The following KIF19 variants were observed in gnomAD, a reference collection of about 807,000 sequenced individuals.
The protein encoded by KIF19 is kinesin-like protein KIF19.
Under a neutral mutation model 106.6 loss-of-function variants are expected in KIF19, and 98 were observed. The ratio of observed to expected loss-of-function variants is 0.92; its 90% confidence interval spans 0.78 to 1.09. The LOEUF is 1.09. KIF19 is among the 50% of genes least tolerant of loss of function. The probability of loss-of-function intolerance (pLI) is 0.00; values close to 1 mark genes in which losing one functional copy is unlikely to be tolerated. For synonymous variants in KIF19, 516 were observed against 584.2 expected, an observed-to-expected ratio of 0.88 and a Z score of 1.68; for missense variants, 1,373 against 1,414.3, an observed-to-expected ratio of 0.97 and a Z score of 0.47.
chr17:74,350,450 GCTTCGGGAGCAGCTCGCCAGCGC>G lies in KIF19; in HGVS notation c.1268_1290del (p.Arg423ProfsTer23). 6.2e-7 allele frequency: 1 copy of G among 1,609,418 alleles called. No homozygotes were observed. On this transcript the variant is annotated frameshift_variant, in exon 11 of 20. Coordinates refer to ENST00000389916, the MANE Select transcript of KIF19 (RefSeq NM_153209.4). LOFTEE classifies it high-confidence loss of function. The stretch of plus-strand genomic sequence containing the variant: ...AGGGTGAGAAGGCTGGCATGGGACA[GCTTCGGGAGCAGCTCGCCAGCGC>G]CTTCCAGGAGCAGATGGATGTGCGG...
At chr17:74,348,019 T>G in intron 9 of KIF19, 120 bp downstream of exon 9, 8 of 1,182,140 alleles carry the variant, frequency 6.8e-6, no homozygotes, top group African/African-American at 1.5e-5. Context: ...ACTGGCCTCA[T>G]TCCCTAGTTG....
intron 2 of KIF19, among the ~76,000 whole-genome samples, chr17:74,332,198 G>GTGTGTGTGTGTGTGTT (rs1567897461): frequency 1.4e-5 from 1 of 70,238 alleles, no homozygotes; most frequent in African/African-American, 5.7e-5. Context: ...GTGTGTGTGT[G>GTGTGTGTGTGTGTGTT]TGTGTGTGTG....
chr17:74,347,583 G>T (rs563405462), intron 8 of KIF19, among the ~76,000 whole-genome samples, 194 bp from the exon 9 acceptor site: 3 of 151,918 alleles, frequency 2.0e-5, no homozygotes, highest in Non-Finnish European at 2.9e-5. Context: ...CTTTATTAAG[G>T]TTACACAGCT....
At chr17:74,328,024 C>A (rs2053960670) in intron 1 of KIF19, among the ~76,000 whole-genome samples, 1 of 152,214 alleles carries the variant, frequency 6.6e-6, no homozygotes, top group African/African-American at 2.4e-5. Context: ...TGCTCCATCC[C>A]ACCTACCAGG....
At chr17:74,355,051 G>C (rs139787673) in intron 19 of KIF19, 110 bp downstream of exon 19, 14 of 1,540,050 alleles carry the variant, frequency 9.1e-6, no homozygotes, top group African/African-American at 1.4e-5. Context: ...TGGAAGCATG[G>C]TTCTAGCAGA....
At position 74,347,812 on chromosome 17, in the gene KIF19, C is replaced by T. The variant is rs766695819; in HGVS notation, c.960C>T (p.Ile320=). The part of the protein sequence containing the change: ...SLGGNSRTVM[I]AHISPASSAF... ...GAGGAAACAGCCGCACAGTGATGAT[C>T]GCTCACATCAGTCCTGCGAGCAGTG... is the stretch of plus-strand genomic sequence containing the variant. The change falls in exon 9 of 20, where the codon ATC becomes ATT. Residue 320 remains isoleucine (I), a synonymous_variant. Coordinates refer to ENST00000389916, the MANE Select transcript of KIF19 (RefSeq NM_153209.4). 40 of 1,588,546 alleles carry T rather than the reference C, an allele frequency of 2.5e-5. No homozygotes were observed. The highest frequency in any genetic ancestry group is 3.5e-5 in the Admixed American group (2 of 56,618).
At chr17:74,353,813 A>G (rs2054792348) in intron 17 of KIF19, among the ~76,000 whole-genome samples, 2 of 152,186 alleles carry the variant, frequency 1.3e-5, no homozygotes, top group African/African-American at 2.4e-5. Flanking sequence ...CGGAAATTAG[A>G]AAAGAGACAT....
In KIF19 at chr17:74,351,984, G is replaced by T. The variant is rs1356291886; in HGVS notation, c.1705G>T (p.Val569Leu). Reference protein sequence around the residue: ...QREVLSLLCRVHELEVENTEM... With the variant: ...QREVLSLLCRLHELEVENTEM... The stretch of plus-strand genomic sequence containing the variant: ...CGAGGTGCTCAGCCTGCTGTGCCGC[G>T]TGCACGAGCTCGAGGTGGAGAACAC... Residue 569 changes from valine to leucine, a missense_variant, in exon 13 of 20, where the codon GTG (valine) becomes TTG (leucine). Transcript: ENST00000389916. The T allele has an allele frequency of 1.3e-6, 2 of 1,537,320 alleles. No individual in the cohort carries two copies. Among genetic ancestry groups the T allele is most frequent in the Non-Finnish European group, 1.7e-6 (2 of 1,149,752 alleles).
At chr17:74,340,518 T>C (rs1429473770) in intron 2 of KIF19, among the ~76,000 whole-genome samples, 1 of 148,158 alleles carries the variant, frequency 6.7e-6, no homozygotes, top group Non-Finnish European at 1.5e-5. Context: ...AGGACCCTTC[T>C]GTGTCTCAAC....
Position 74,351,900 on chromosome 17 carries a change from G to A in KIF19, c.1621G>A (p.Ala541Thr). The A allele has an allele frequency of 7.1e-7, 1 of 1,413,410 alleles. No individual in the cohort carries two copies. The highest frequency in any genetic ancestry group is 9.2e-7 in the Non-Finnish European group (1 of 1,092,056). The allele number at this position is 1,413,410 out of a possible 1,614,324, so 87.6% of individuals were successfully genotyped here. Residue 541 changes from alanine to threonine, a missense_variant, in exon 13 of 20, where the codon GCG becomes ACG. Transcript: ENST00000389916. ...GGAGCAGCGCTGCCGGGAGCTGCGC[G>A]CGCGGGGCCGGCGCCTGGAGGAGAC... ...ALEQRCRELR[A>T]RGRRLEETLP... is the part of the protein sequence containing the mutation.
In KIF19 at chr17:74,329,467, GAA is replaced by G. The variant is rs35781647; in HGVS notation, c.120+976_120+977del. The stretch of plus-strand genomic sequence containing the variant: ...TGTCTCAAAAAAAAAGAGAAAAAGA[GAA>G]AAAAAAAAAAAAACTGTGCTTGAGC... On this transcript the variant is annotated intron_variant, in intron 2 of 19. Transcript: ENST00000389916. 307 of 136,052 alleles carry G rather than the reference GAA, an allele frequency of 2.3e-3. 1 individual carries two copies. The highest frequency in any genetic ancestry group is 3.2e-3 in the South Asian group (13 of 4,008). The allele number at this position is 136,052 out of a possible 1,614,324, so 8.4% of individuals were successfully genotyped here.
intron 17 of KIF19, 113 bp from the exon 18 acceptor site, chr17:74,354,049 T>C: frequency 8.3e-7 from 1 of 1,211,246 alleles, no homozygotes; most frequent in East Asian, 2.4e-5. Context: ...CCCCTGGAAG[T>C]GCTAGGATTG....
In KIF19 at chr17:74,350,486, G is replaced by A; in HGVS notation, c.1299G>A (p.Gln433=). ...AGCTCGCCAGCGCCTTCCAGGAGCA[G>A]ATGGATGTGCGGAGGCGCCTGCTGG... The part of the protein sequence containing the change: ...REQLASAFQE[Q]MDVRRRLLEL... Residue 433 remains glutamine, a synonymous_variant, in exon 11 of 20, where the codon CAG becomes CAA. Coordinates refer to ENST00000389916, the MANE Select transcript of KIF19 (RefSeq NM_153209.4). 3 of 1,612,248 alleles carry A rather than the reference G, an allele frequency of 1.9e-6. No individual in the cohort carries two copies. The South Asian group carries it at 3.3e-5, about 18-fold the overall frequency.
chr17:74,339,690 G>A (rs4789651), intron 2 of KIF19, among the ~76,000 whole-genome samples: 71,588 of 151,566 alleles, frequency 0.47, 17,333 homozygotes, highest in East Asian at 0.55. Flanking sequence ...TGAAGAGCAC[G>A]GTGGTGGCTC....
Position 74,349,232 on chromosome 17 carries a change from A to G in KIF19, c.1096A>G (p.Ser366Gly). 2 of 1,613,810 alleles carry G rather than the reference A, an allele frequency of 1.2e-6. No homozygotes were observed. The change falls in exon 10 of 20, where the codon AGC (serine) becomes GGC (glycine). Residue 366 changes from serine (S) to glycine (G), a missense_variant. Ser to Gly is a moderately conservative substitution (Grantham distance 56). Transcript: ENST00000389916. ...CTCCTACCACATCGCCCAGTACACC[A>G]GCATCATCGCTGACCTGCGGGGCGA... ...NVSYHIAQYTSIIADLRGEIQ... is the reference protein window; with the variant it reads ...NVSYHIAQYTGIIADLRGEIQ...
At chr17:74,335,054 T>C in intron 2 of KIF19, among the ~76,000 whole-genome samples, 1 of 152,210 alleles carries the variant, frequency 6.6e-6, no homozygotes, top group Non-Finnish European at 1.5e-5. Flanking sequence ...TGAGCCTCAC[T>C]TGTGGCACCC....
At position 74,328,518 on chromosome 17, in the gene KIF19, C is replaced by A. The variant is rs780659563; in HGVS notation, c.120+13C>A. 1.9e-6 allele frequency: 3 copies of A among 1,595,880 alleles called. No individual in the cohort carries two copies. The highest frequency in any genetic ancestry group is 2.6e-6 in the Non-Finnish European group (3 of 1,171,332). On this transcript the variant is annotated intron_variant, in intron 2 of 19. Transcript: ENST00000389916. ...AGTGGATGAGCAGGTATGCAGGGCT[C>A]TGCAGCAGGAGCTGCAGGGCAGAGG...
intron 6 of KIF19, 33 bp from the exon 7 acceptor site, chr17:74,344,728 C>A: frequency 6.3e-7 from 1 of 1,584,660 alleles, no homozygotes; most frequent in South Asian, 1.1e-5. Context: ...CTACGGCAGT[C>A]GCTAAGAGCT....
intron 2 of KIF19, among the ~76,000 whole-genome samples, chr17:74,336,628 G>T (rs1286724160): frequency 2.0e-5 from 3 of 152,088 alleles, no homozygotes; most frequent in Non-Finnish European, 4.4e-5. Context: ...TAACAAGCGG[G>T]TACTCCCCCC....
Sources: allele counts gnomAD v4.1 joint callset (sites outside exome capture counted in the v4.1 genomes callset), GRCh38; gene constraint gnomAD v4.1.1; transcripts MANE v1.5; gene names NCBI Gene and HGNC (gene_info 2026-07-23, HGNC 2026-07-21).